Variants in WWC1 observed in about 807,000 individuals in gnomAD.
WWC1 encodes protein KIBRA.
In WWC1, 55 loss-of-function variants were observed where a neutral mutation model predicts 138.4. The observed-to-expected ratio is 0.40, with a 90% CI of 0.32 to 0.50. The LOEUF (loss-of-function observed/expected upper bound fraction) is 0.50, where lower values mean the gene tolerates loss of function less well. WWC1 is among the 20% of genes least tolerant of loss of function. The probability of loss-of-function intolerance (pLI) is 0.72; values close to 1 mark genes in which losing one functional copy is unlikely to be tolerated. For synonymous variants in WWC1, 524 were observed against 564.9 expected (o/e 0.93, Z 1.03); for missense variants, 1,226 against 1,420.4 (o/e 0.86, Z 2.20).
intron 1 of WWC1, among the ~76,000 whole-genome samples, chr5:168,310,592 T>C (rs1319501792): frequency 6.6e-6 from 1 of 152,078 alleles, no homozygotes; most frequent in African/African-American, 2.4e-5. Flanking sequence ...TTCAGCACTT[T>C]GGGAGGCCAA....
At chr5:168,347,117 C>T (rs1204244990) in intron 1 of WWC1, among the ~76,000 whole-genome samples, 2 of 152,170 alleles carry the variant, frequency 1.3e-5, no homozygotes, top group Non-Finnish European at 2.9e-5. Flanking sequence ...CCTTGGATGT[C>T]ACCCCCAGAC....
chr5:168,431,645 C>G (rs959799696), intron 15 of WWC1, among the ~76,000 whole-genome samples: 10 of 152,150 alleles, frequency 6.6e-5, no homozygotes, highest in Non-Finnish European at 1.3e-4. Flanking sequence ...TGTTCTCAGA[C>G]TTAGGGTGGG....
chr5:168,315,041 A>C (rs1350980737), intron 1 of WWC1, among the ~76,000 whole-genome samples: 2 of 152,066 alleles, frequency 1.3e-5, no homozygotes, highest in Non-Finnish European at 2.9e-5. Context: ...CCCCAGATTC[A>C]TTTCCAGTTT....
At chr5:168,351,272 T>C (rs972833364) in intron 1 of WWC1, among the ~76,000 whole-genome samples, 2 of 152,164 alleles carry the variant, frequency 1.3e-5, no homozygotes, top group Non-Finnish European at 2.9e-5. Context: ...AGCTCCAGAC[T>C]GTAGACTCTA....
At chr5:168,410,248 G>A in intron 8 of WWC1, 1 of 428,462 alleles carries the variant, frequency 2.3e-6, no homozygotes, top group East Asian at 3.7e-5. Flanking sequence ...TCAAAGCCGA[G>A]TTATCTTCCC....
intron 1 of WWC1, among the ~76,000 whole-genome samples, chr5:168,330,639 A>T: frequency 6.6e-6 from 1 of 152,226 alleles, no homozygotes; most frequent in South Asian, 2.1e-4. Flanking sequence ...CCCATCCTAC[A>T]TGCACTCATT....
chr5:168,384,979 A>G (rs1358449877), intron 2 of WWC1, among the ~76,000 whole-genome samples: 4 of 152,064 alleles, frequency 2.6e-5, no homozygotes, highest in South Asian at 2.1e-4. Context: ...CAGCCTCCCA[A>G]TGTGCTGGGA....
chr5:168,428,266 G>C, intron 12 of WWC1, 125 bp downstream of exon 12: 1 of 894,012 alleles, frequency 1.1e-6, no homozygotes, highest in Non-Finnish European at 1.7e-6. Context: ...GCCCCAAGAG[G>C]GCATGACCCC....
At chr5:168,417,111 C>T (rs549528446) in intron 9 of WWC1, among the ~76,000 whole-genome samples, 7 of 152,278 alleles carry the variant, frequency 4.6e-5, no homozygotes, top group South Asian at 2.1e-4. Context: ...AGGTGATCCA[C>T]GTGCCTCGGC....
intron 1 of WWC1, among the ~76,000 whole-genome samples, chr5:168,304,019 C>CTTTTT (rs1193994629): frequency 6.6e-6 from 1 of 152,184 alleles, no homozygotes; most frequent in Admixed American, 6.5e-5. Flanking sequence ...TTACTTATAT[C>CTTTTT]TTTTTGAGCC....
intron 1 of WWC1, among the ~76,000 whole-genome samples, chr5:168,317,238 A>G (rs1771686299): frequency 6.6e-6 from 1 of 152,122 alleles, no homozygotes. Context: ...CATTGTCTCA[A>G]GGTATTTGGC....
chr5:168,454,214 C>A, intron 18 of WWC1, 114 bp downstream of exon 18: 2 of 1,470,308 alleles, frequency 1.4e-6, no homozygotes. Context: ...CATCAGGGCA[C>A]AAGCCCTCAT....
chr5:168,464,686 G>A (rs1334488667), intron 20 of WWC1, 43 bp from the exon 21 acceptor site: 1 of 1,611,530 alleles, frequency 6.2e-7, no homozygotes, highest in Non-Finnish European at 8.5e-7. Context: ...GGGCTCACTG[G>A]GCAGAGCTCT....
chr5:168,465,025 C>T (rs1757139624), intron 21 of WWC1, 63 bp downstream of exon 21: 4 of 1,569,262 alleles, frequency 2.5e-6, no homozygotes. Context: ...GGGGGCACTG[C>T]CCCGGGGAAG....
chr5:168,345,147 C>T (rs796398413), intron 1 of WWC1, among the ~76,000 whole-genome samples: 2 of 152,160 alleles, frequency 1.3e-5, no homozygotes, highest in South Asian at 2.1e-4. Context: ...CTCTGTTGCC[C>T]AGGCTGGAGG....
At chr5:168,357,184 C>A (rs1044337889) in intron 1 of WWC1, among the ~76,000 whole-genome samples, 3 of 151,976 alleles carry the variant, frequency 2.0e-5, no homozygotes, top group Non-Finnish European at 4.4e-5. Flanking sequence ...TTTCTTTGTT[C>A]TTTTGTGAGT....
intron 14 of WWC1, 35 bp from the exon 15 acceptor site, chr5:168,431,217 G>A: frequency 1.3e-6 from 2 of 1,578,652 alleles, no homozygotes; most frequent in Non-Finnish European, 8.6e-7. Flanking sequence ...GACATGGGCT[G>A]ACCCAAGATT....
intron 5 of WWC1, among the ~76,000 whole-genome samples, chr5:168,403,979 C>T (rs1045670134): frequency 2.0e-5 from 3 of 151,918 alleles, no homozygotes; most frequent in East Asian, 1.9e-4. Context: ...TGTTCTCCCC[C>T]GACCCCCTCC....
chr5:168,371,197 A>G (rs1456539735), intron 1 of WWC1, among the ~76,000 whole-genome samples: 1 of 152,240 alleles, frequency 6.6e-6, no homozygotes, highest in Non-Finnish European at 1.5e-5. Context: ...AGTTGGGACC[A>G]GAACACAGAT....
Sources: gnomAD v4.1 joint callset for allele counts (sites outside exome capture counted in the v4.1 genomes callset) on GRCh38, gnomAD v4.1.1 for gene constraint, MANE v1.5 for transcripts, NCBI Gene and HGNC (gene_info 2026-07-23, HGNC 2026-07-21) for gene names.